The following AGBL4 variants were observed in gnomAD, a reference collection of about 807,000 sequenced individuals.
AGBL4 encodes cytosolic carboxypeptidase 6.
Under a neutral mutation model 66.4 loss-of-function variants are expected in AGBL4, and 58 were observed. That is an observed-to-expected ratio of 0.87 (90% CI 0.71 to 1.09). The LOEUF (loss-of-function observed/expected upper bound fraction) is 1.09. AGBL4 is among the 50% of genes least tolerant of loss of function. The pLI, the probability that AGBL4 is intolerant of heterozygous loss-of-function variation, is 0.00. For missense variants in AGBL4, 579 were observed against 631.0 expected (o/e 0.92, Z 0.88); for synonymous variants, 234 against 222.9 (o/e 1.05, Z -0.44).
chr1:49,003,867 T>C (rs901269234), intron 5 of AGBL4, among the ~76,000 whole-genome samples: 1 of 152,178 alleles, frequency 6.6e-6, no homozygotes, highest in Non-Finnish European at 1.5e-5. Context: ...CCCTTAGTAA[T>C]ATCACCCAAA....
intron 5 of AGBL4, among the ~76,000 whole-genome samples, chr1:49,016,188 C>T (rs1050284156): frequency 4.6e-5 from 7 of 152,192 alleles, no homozygotes; most frequent in Admixed American, 2.0e-4. Context: ...CCTCTGCTCA[C>T]AGCTCTGGAG....
At position 48,625,385 on chromosome 1, in the gene AGBL4, C is replaced by T. The variant is rs11801982; in HGVS notation, c.951+9108G>A. Among the ~76,000 whole-genome samples the T allele has an allele frequency of 2.3e-3, 349 of 152,164 alleles. 3 individuals carry two copies. Among genetic ancestry groups the T allele is most frequent in the African/African-American group, 7.9e-3 (329 of 41,494 alleles). On this transcript the variant is annotated intron_variant, in intron 9 of 13. Transcript: ENST00000371839. ...TTCTCCCTCTCTCCTAACACACATT[C>T]ATTGAGGGCCTGTTCCCTGTGCTGG...
chr1:48,955,341 G>A (rs1374486087), intron 5 of AGBL4, among the ~76,000 whole-genome samples: 1 of 152,158 alleles, frequency 6.6e-6, no homozygotes, highest in Non-Finnish European at 1.5e-5. Flanking sequence ...CTTCCTTTAT[G>A]TGTTTGTTGA....
At chr1:49,793,073 T>C (rs1338560377) in intron 2 of AGBL4, among the ~76,000 whole-genome samples, 5 of 152,016 alleles carry the variant, frequency 3.3e-5, no homozygotes, top group African/African-American at 1.2e-4. Context: ...AGTCCATTAC[T>C]CTCTATCCTC....
chr1:48,686,455 T>A (rs1023480473), intron 6 of AGBL4, among the ~76,000 whole-genome samples: 3 of 152,204 alleles, frequency 2.0e-5, no homozygotes, highest in Non-Finnish European at 4.4e-5. Context: ...GACTCCCACC[T>A]CTGGCTTACC....
At chr1:49,098,303 T>C (rs1645143065) in intron 4 of AGBL4, among the ~76,000 whole-genome samples, 1 of 152,206 alleles carries the variant, frequency 6.6e-6, no homozygotes. Flanking sequence ...CGATTTCACT[T>C]AGGAATGCAT....
chr1:48,574,765 A>G (rs532615049), intron 11 of AGBL4, among the ~76,000 whole-genome samples: 2 of 152,252 alleles, frequency 1.3e-5, no homozygotes, highest in East Asian at 3.9e-4. Flanking sequence ...TGTCTCAGAC[A>G]GAGTTGGCAG....
intron 1 of AGBL4, among the ~76,000 whole-genome samples, chr1:49,941,931 A>G (rs886865361): frequency 1.3e-5 from 2 of 152,118 alleles, no homozygotes; most frequent in Admixed American, 1.3e-4. Context: ...AATGGAATGT[A>G]AGTAAAATTA....
At chr1:49,113,715 C>T (rs1178253716) in intron 4 of AGBL4, among the ~76,000 whole-genome samples, 1 of 152,180 alleles carries the variant, frequency 6.6e-6, no homozygotes, top group African/African-American at 2.4e-5. Flanking sequence ...CTTGTTAATC[C>T]ATGAGTTGCA....
chr1:49,143,356 G>A (rs555643775), intron 4 of AGBL4, among the ~76,000 whole-genome samples: 1 of 152,262 alleles, frequency 6.6e-6, no homozygotes, highest in African/African-American at 2.4e-5. Context: ...GCTGCAGCTA[G>A]GAGGGTCTTC....
In AGBL4 at chr1:49,851,491, A is replaced by C; in HGVS notation, c.62T>G (p.Ile21Ser). The C allele has an allele frequency of 6.5e-7, 1 of 1,549,946 alleles. No individual in the cohort carries two copies. The highest frequency in any genetic ancestry group is 8.7e-7 in the Non-Finnish European group (1 of 1,145,968). ...TATATATTTGCTCACATTCCCTCCAATGGCATCATCATTTCCCATATCATT... is the reference window on the plus strand; with the variant it reads ...TATATATTTGCTCACATTCCCTCCACTGGCATCATCATTTCCCATATCATT... Reference protein sequence around the residue: ...AGNDMGNDDAIGGNVSKYIVL... With the variant: ...AGNDMGNDDASGGNVSKYIVL... Residue 21 changes from isoleucine to serine, a missense_variant, in exon 2 of 14, where the codon ATT (isoleucine) becomes AGT (serine). Ile to Ser is a moderately radical substitution (Grantham distance 142, BLOSUM62 -2). Coordinates refer to ENST00000371839, the MANE Select transcript of AGBL4 (RefSeq NM_032785.4).
intron 2 of AGBL4, among the ~76,000 whole-genome samples, chr1:49,727,382 A>T (rs1649111410): frequency 6.6e-6 from 1 of 152,130 alleles, no homozygotes; most frequent in Non-Finnish European, 1.5e-5. Context: ...GCAATTAATG[A>T]TTTAGAAGAA....
At chr1:49,003,279 T>C (rs1466383102) in intron 5 of AGBL4, among the ~76,000 whole-genome samples, 2 of 152,004 alleles carry the variant, frequency 1.3e-5, no homozygotes, top group African/African-American at 2.4e-5. Context: ...ATGCCTGTAA[T>C]CCTAGCTACT....
chr1:49,791,999 C>T (rs1644612099), intron 2 of AGBL4, among the ~76,000 whole-genome samples: 1 of 151,924 alleles, frequency 6.6e-6, no homozygotes, highest in South Asian at 2.1e-4. Flanking sequence ...TATGTAAATA[C>T]CTACAACATA....
At chr1:48,727,900 A>G in intron 6 of AGBL4, 1 of 1,604,246 alleles carries the variant, frequency 6.2e-7, no homozygotes. Context: ...TGCAAATTGT[A>G]TTTTGCTTCC....
intron 2 of AGBL4, among the ~76,000 whole-genome samples, chr1:49,837,371 C>T (rs946294416): frequency 1.3e-5 from 2 of 152,162 alleles, no homozygotes; most frequent in Admixed American, 6.5e-5. Context: ...GGACCAGAAC[C>T]CTCTTTCCAA....
At chr1:49,405,396 AC>A (rs1645175206) in intron 3 of AGBL4, among the ~76,000 whole-genome samples, 1 of 152,158 alleles carries the variant, frequency 6.6e-6, no homozygotes, top group Non-Finnish European at 1.5e-5. Flanking sequence ...GCAAGTTATT[AC>A]CTTTTTTACA....
chr1:48,736,553 T>C lies in AGBL4; in HGVS notation c.635-73312A>G. The C allele has an allele frequency of 9.9e-7, 1 of 1,012,956 alleles. No individual in the cohort carries two copies. The highest frequency in any genetic ancestry group is 2.4e-5 in the East Asian group (1 of 41,588). 62.7% of individuals were successfully genotyped at this position (1,012,956 alleles called of 1,614,324 possible). A position where few individuals can be genotyped will look rare whatever the true frequency, so the allele number is the denominator to read the frequency against. ...AGCATTGCTGCACAACTGTAAGAGA[T>C]TCATGTCATAAATATGAAATTAACT... On this transcript the variant is annotated intron_variant, in intron 6 of 13. Coordinates refer to ENST00000371839, the MANE Select transcript of AGBL4 (RefSeq NM_032785.4). The surrounding 1 kb of genome is among the most constrained non-coding windows in gnomAD (Gnocchi z 4.0).
intron 2 of AGBL4, among the ~76,000 whole-genome samples, chr1:49,812,233 T>C (rs1645117354): frequency 6.6e-6 from 1 of 152,194 alleles, no homozygotes; most frequent in Non-Finnish European, 1.5e-5. Context: ...TCTGGCTTAG[T>C]GCTAAAATTA....
Sources: allele counts gnomAD v4.1 joint callset (sites outside exome capture counted in the v4.1 genomes callset), GRCh38; gene constraint gnomAD v4.1.1; non-coding constraint Gnocchi (gnomAD v3.1); transcripts MANE v1.5; gene names NCBI Gene and HGNC (gene_info 2026-07-23, HGNC 2026-07-21).